Variants in NMNAT3 observed in about 807,000 individuals in gnomAD.
NMNAT3 encodes nicotinamide nucleotide adenylyltransferase 3, also known as nicotinamide/nicotinic acid mononucleotide adenylyltransferase 3.
NMNAT3 carries 21 observed loss-of-function variants against 24.8 expected under a neutral mutation model. The observed-to-expected ratio is 0.85, with a 90% CI of 0.60 to 1.22. The LOEUF (loss-of-function observed/expected upper bound fraction) is 1.22. NMNAT3 is among the 50% of genes most tolerant of loss of function. The pLI is 0.00. For missense variants in NMNAT3, 387 were observed against 436.6 expected, an observed-to-expected ratio of 0.89 and a Z score of 1.01; for synonymous variants, 136 against 155.2, an observed-to-expected ratio of 0.88 and a Z score of 0.92.
intron 6 of NMNAT3, among the ~76,000 whole-genome samples, chr3:139,564,130 G>A (rs1250474738): frequency 1.3e-5 from 2 of 152,168 alleles, no homozygotes; most frequent in Non-Finnish European, 2.9e-5. Context: ...CTATGGGCCT[G>A]TTTCTTCAGC....
intron 3 of NMNAT3, among the ~76,000 whole-genome samples, chr3:139,603,556 C>T (rs748459607): frequency 9.9e-5 from 15 of 152,274 alleles, no homozygotes; most frequent in African/African-American, 1.7e-4. Flanking sequence ...TGATCAGCAT[C>T]GACCAACACG....
intron 2 of NMNAT3, among the ~76,000 whole-genome samples, chr3:139,631,563 C>T (rs1484717249): frequency 6.6e-6 from 1 of 152,140 alleles, no homozygotes; most frequent in Non-Finnish European, 1.5e-5. Context: ...AAGGATTTAA[C>T]AAGTTGAGAA....
At chr3:139,663,982 T>C (rs2057500147) in intron 1 of NMNAT3, among the ~76,000 whole-genome samples, 1 of 152,142 alleles carries the variant, frequency 6.6e-6, no homozygotes, top group Non-Finnish European at 1.5e-5. Context: ...TCCCCTGAAT[T>C]CCCAGCTTAG....
chr3:139,599,824 G>T (rs2054633158), intron 3 of NMNAT3, among the ~76,000 whole-genome samples: 1 of 152,194 alleles, frequency 6.6e-6, no homozygotes, highest in Non-Finnish European at 1.5e-5. Flanking sequence ...GCTCCGCCCT[G>T]TGTCCTGCTG....
intron 3 of NMNAT3, among the ~76,000 whole-genome samples, chr3:139,607,841 T>G (rs1430554848): frequency 6.6e-6 from 1 of 152,238 alleles, no homozygotes; most frequent in Non-Finnish European, 1.5e-5. Context: ...TAAAATCTAT[T>G]CTTAAATGAT....
chr3:139,649,562 T>C (rs2056987218), intron 1 of NMNAT3, among the ~76,000 whole-genome samples: 1 of 152,172 alleles, frequency 6.6e-6, no homozygotes. Flanking sequence ...AAAAATTCTA[T>C]ATGATGATGC....
chr3:139,573,836 A>G (rs1938850439), intron 5 of NMNAT3, among the ~76,000 whole-genome samples, 156 bp from the exon 6 acceptor site: 1 of 152,212 alleles, frequency 6.6e-6, no homozygotes, highest in Admixed American at 6.5e-5. Flanking sequence ...AGGCATTGCC[A>G]GGAGCTGGGA....
At chr3:139,580,104 C>G (rs1340989610) in intron 4 of NMNAT3, among the ~76,000 whole-genome samples, 1 of 152,172 alleles carries the variant, frequency 6.6e-6, no homozygotes, top group Admixed American at 6.5e-5. Context: ...CAAGGTTGTG[C>G]TAGCCTCATA....
At chr3:139,573,817 C>T in intron 5 of NMNAT3, 137 bp from the exon 6 acceptor site, 1 of 510,036 alleles carries the variant, frequency 2.0e-6, no homozygotes, top group Non-Finnish European at 3.5e-6. Flanking sequence ...TGAGGGCCTA[C>T]TCTGTGGCAG....
intron 1 of NMNAT3, among the ~76,000 whole-genome samples, chr3:139,644,814 A>G (rs2056817483): frequency 6.6e-6 from 1 of 152,216 alleles, no homozygotes; most frequent in African/African-American, 2.4e-5. Context: ...ATCCTATTTA[A>G]TGGTGTTCAA....
chr3:139,595,848 C>T (rs1466702714), intron 3 of NMNAT3, among the ~76,000 whole-genome samples: 1 of 152,098 alleles, frequency 6.6e-6, no homozygotes, highest in East Asian at 1.9e-4. Context: ...GAGCTAAAAC[C>T]ATAAAAACCC....
chr3:139,646,510 T>C (rs1286101561), intron 1 of NMNAT3, among the ~76,000 whole-genome samples: 1 of 152,186 alleles, frequency 6.6e-6, no homozygotes, highest in Non-Finnish European at 1.5e-5. Flanking sequence ...ATCATTCCCC[T>C]GAGCCACTCC....
intron 3 of NMNAT3, among the ~76,000 whole-genome samples, chr3:139,588,292 T>G (rs1576584723): frequency 6.6e-6 from 1 of 152,308 alleles, no homozygotes; most frequent in African/African-American, 2.4e-5. Context: ...GACGTGAACT[T>G]GTCTTTTCGT....
intron 5 of NMNAT3, chr3:139,576,201 A>C: frequency 4.1e-6 from 4 of 985,370 alleles, no homozygotes; most frequent in Non-Finnish European, 4.8e-6. Context: ...TGCTTCTAAA[A>C]CCACCTGACT....
At chr3:139,613,400 G>T (rs1002812854) in intron 3 of NMNAT3, among the ~76,000 whole-genome samples, 7 of 152,142 alleles carry the variant, frequency 4.6e-5, no homozygotes, top group African/African-American at 1.4e-4. Context: ...ATCATCACTG[G>T]CCATCAGAGA....
At chr3:139,655,810 C>T (rs2057221864) in intron 1 of NMNAT3, among the ~76,000 whole-genome samples, 1 of 152,192 alleles carries the variant, frequency 6.6e-6, no homozygotes, top group African/African-American at 2.4e-5. Context: ...TGATTATTTA[C>T]CTAAAACCTG....
At chr3:139,645,024 A>G (rs952052516) in intron 1 of NMNAT3, among the ~76,000 whole-genome samples, 2 of 152,156 alleles carry the variant, frequency 1.3e-5, no homozygotes, top group Non-Finnish European at 2.9e-5. Flanking sequence ...CAAAATGGTG[A>G]GACCTCATCT....
At chr3:139,626,146 T>G (rs751881435) in intron 3 of NMNAT3, among the ~76,000 whole-genome samples, 1 of 152,136 alleles carries the variant, frequency 6.6e-6, no homozygotes, top group Non-Finnish European at 1.5e-5. Flanking sequence ...TAGTTGGATC[T>G]GTGGGTTTTC....
intron 1 of NMNAT3, among the ~76,000 whole-genome samples, chr3:139,651,149 G>A (rs1034153331): frequency 3.3e-5 from 5 of 152,180 alleles, no homozygotes; most frequent in Admixed American, 2.6e-4. Context: ...CATAATTTTT[G>A]TAAGAATTGG....
Sources: allele counts gnomAD v4.1 joint callset (sites outside exome capture counted in the v4.1 genomes callset), GRCh38; gene constraint gnomAD v4.1.1; transcripts MANE v1.5; gene names NCBI Gene and HGNC (gene_info 2026-07-23, HGNC 2026-07-21).